DGKH: variants seen among roughly 807,000 people sequenced by gnomAD.
DGKH encodes the protein DAG kinase eta.
DGKH carries 90 observed loss-of-function variants against 159.3 expected under a neutral mutation model. The ratio of observed to expected loss-of-function variants is 0.57; its 90% CI spans 0.48 to 0.67. The LOEUF is 0.67. DGKH is among the 30% of genes least tolerant of loss of function. The probability of loss-of-function intolerance (pLI) is 0.00; values close to 1 mark genes in which losing one functional copy is unlikely to be tolerated. For missense variants in DGKH, 1,181 were observed against 1,506.1 expected (o/e 0.78, Z 3.57); for synonymous variants, 536 against 553.8 (o/e 0.97, Z 0.45).
chr13:42,172,464 A>C (rs548360566), intron 11 of DGKH, among the ~76,000 whole-genome samples: 93 of 152,284 alleles, frequency 6.1e-4, no homozygotes, highest in African/African-American at 2.1e-3. Flanking sequence ...AATATAATGT[A>C]TGTCTATTGG....
Position 42,095,156 on chromosome 13 carries a change from C to CTTTTTTT in DGKH, c.193-32289_193-32283dup, listed in dbSNP as rs776422302. 4.7e-4 allele frequency among the ~76,000 whole-genome samples: 36 copies of CTTTTTTT among 76,814 alleles called. 3 individuals are homozygous for CTTTTTTT. The highest frequency in any genetic ancestry group is 0.012 in the Middle Eastern group (1 of 82). The allele number at this position is 76,814 out of a possible 152,430, so 50.4% of individuals were successfully genotyped here. ...GCAGCCGCTCAATAAATGTTGACTC[C>CTTTTTTT]TTTTTTTTTTTTTTTTTTTTTTTTG... On this transcript the variant is annotated intron_variant, in intron 1 of 29. Coordinates refer to ENST00000337343, the MANE Select transcript of DGKH (RefSeq NM_178009.5).
intron 13 of DGKH, 50 bp from the exon 14 acceptor site, chr13:42,186,999 C>T: frequency 6.8e-7 from 1 of 1,471,004 alleles, no homozygotes; most frequent in Non-Finnish European, 9.5e-7. Flanking sequence ...TAAATCAAGG[C>T]AAATTAATTC....
intron 11 of DGKH, among the ~76,000 whole-genome samples, chr13:42,171,130 C>G (rs558487806): frequency 6.6e-6 from 1 of 152,234 alleles, no homozygotes; most frequent in Non-Finnish European, 1.5e-5. Context: ...AATTTTTTGT[C>G]TGCTAGCACT....
rs79875313 is a variant in DGKH at position 42,174,179 on chromosome 13, G to A, written c.1452+35G>A. Reference sequence around the variant, plus strand: ...AACCCTTTACCTATCATTTGAAATGGGGGTGGATATCTTGAGAAAAAAAAA... The same window carrying A: ...AACCCTTTACCTATCATTTGAAATGAGGGTGGATATCTTGAGAAAAAAAAA... On this transcript the variant is annotated intron_variant, in intron 12 of 29. Coordinates refer to ENST00000337343, the MANE Select transcript of DGKH (RefSeq NM_178009.5). The A allele has an allele frequency of 7.5e-3, 11,149 of 1,487,140 alleles. 57 individuals are homozygous for A. The highest frequency in any genetic ancestry group is 9.2e-3 in the Non-Finnish European group (9,866 of 1,076,034). 92.1% of individuals were successfully genotyped at this position (1,487,140 alleles called of 1,614,324 possible).
At chr13:42,152,517 T>C in intron 3 of DGKH, among the ~76,000 whole-genome samples, 1 of 149,626 alleles carries the variant, frequency 6.7e-6, no homozygotes, top group East Asian at 1.9e-4. Flanking sequence ...ATATATTATA[T>C]ATATATATAA....
In DGKH at chr13:42,078,909, CTTTTTTTTTTTTTT is replaced by C. The variant is rs55801562; in HGVS notation, c.192+29955_192+29968del. ...TCCTCTCTTAAAGAGGTATATTCTC[CTTTTTTTTTTTTTT>C]TTTTTTTTTTGAGATGGAGTCTGTC... On this transcript the variant is annotated intron_variant, in intron 1 of 29. Coordinates refer to ENST00000337343, the MANE Select transcript of DGKH (RefSeq NM_178009.5). 7.5e-5 allele frequency among the ~76,000 whole-genome samples: 7 copies of C among 93,576 alleles called. No individual in the cohort carries two copies. The South Asian group carries it at 1.9e-3, about 25-fold the overall frequency. The allele number at this position is 93,576 out of a possible 152,430, so 61.4% of individuals were successfully genotyped here. A position where few individuals can be genotyped will look rare whatever the true frequency, so the allele number is the denominator to read the frequency against.
chr13:42,065,804 C>G (rs1023881685), intron 1 of DGKH, among the ~76,000 whole-genome samples: 1 of 151,970 alleles, frequency 6.6e-6, no homozygotes. Context: ...TCATTGTAAC[C>G]CCATGTTTGT....
upstream of DGKH, among the ~76,000 whole-genome samples, chr13:42,045,273 A>G (rs1880737739): frequency 6.6e-6 from 1 of 152,214 alleles, no homozygotes. Context: ...GTGATTGGCC[A>G]TTGCACTCCA....
intron 29 of DGKH, among the ~76,000 whole-genome samples, chr13:42,250,868 A>G (rs1416170170): frequency 1.3e-5 from 2 of 152,196 alleles, no homozygotes; most frequent in Non-Finnish European, 2.9e-5. Flanking sequence ...GTAGCACTCT[A>G]ATTAGCTTAA....
rs190166530 is a variant in DGKH, at chr13:42,162,575, G to A, written c.855+2439G>A. 3.5e-3 allele frequency among the ~76,000 whole-genome samples: 529 copies of A among 152,070 alleles called. 2 individuals carry two copies. Among genetic ancestry groups the A allele is most frequent in the African/African-American group, 0.012 (500 of 41,480 alleles). Reference sequence around the variant, plus strand: ...TTCCAGCACTTTGGGAGGCCAAGGCGGGTGGATCATCTGAGGTCAGAAGTT... The same window carrying A: ...TTCCAGCACTTTGGGAGGCCAAGGCAGGTGGATCATCTGAGGTCAGAAGTT... On this transcript the variant is annotated intron_variant, in intron 7 of 29. Coordinates refer to ENST00000337343, the MANE Select transcript of DGKH (RefSeq NM_178009.5).
intron 30 of DGKH, chr13:42,256,056 G>A: frequency 3.6e-6 from 5 of 1,372,730 alleles, no homozygotes; most frequent in South Asian, 1.2e-5. Flanking sequence ...CCTTGGTCAG[G>A]TCTGGGAGAA....
chr13:42,251,313 T>C (rs911028933), intron 29 of DGKH, among the ~76,000 whole-genome samples: 2 of 152,088 alleles, frequency 1.3e-5, no homozygotes, highest in Admixed American at 1.3e-4. Context: ...CCGTCTGTAC[T>C]GAAAATACAA....
At position 42,229,111 on chromosome 13, in the gene DGKH, C is replaced by T; in HGVS notation, c.3586C>T (p.Pro1196Ser). 6.2e-7 allele frequency: 1 copy of T among 1,609,476 alleles called. No individual in the cohort carries two copies. The highest frequency in any genetic ancestry group is 8.5e-7 in the Non-Finnish European group (1 of 1,178,660). The change falls in exon 30 of 30, where the codon CCG becomes TCG. Residue 1196 changes from proline to serine, a missense_variant. By Grantham distance (74) the Pro-to-Ser change is moderately conservative (BLOSUM62 -1). Transcript: ENST00000337343. ...TCTTTTATTTTAGGATCTGGGGATA[C>T]CGAAAGTGGGTCATGTGAAGCGAAT... ...ERRDLKDLGIPKVGHVKRILQ... is the reference protein window; with the variant it reads ...ERRDLKDLGISKVGHVKRILQ...
intron 1 of DGKH, among the ~76,000 whole-genome samples, chr13:42,054,382 C>G (rs1881593088): frequency 6.6e-6 from 1 of 152,136 alleles, no homozygotes; most frequent in South Asian, 2.1e-4. Context: ...TGCTCTGAAA[C>G]TCAATATGAA....
chr13:42,217,424 A>G (rs1019247997), intron 26 of DGKH, among the ~76,000 whole-genome samples: 3 of 151,848 alleles, frequency 2.0e-5, no homozygotes, highest in East Asian at 3.9e-4. Flanking sequence ...TTTCTTTTCA[A>G]TAGAGACAGA....
intron 1 of DGKH, among the ~76,000 whole-genome samples, chr13:42,042,370 T>C (rs1272391318): frequency 6.6e-6 from 1 of 152,226 alleles, no homozygotes; most frequent in Non-Finnish European, 1.5e-5. Flanking sequence ...ACTTAACATT[T>C]AGAAAATTAG....
At chr13:42,219,834 A>G in intron 28 of DGKH, 40 bp downstream of exon 28, 1 of 1,569,722 alleles carries the variant, frequency 6.4e-7, no homozygotes, top group African/African-American at 1.4e-5. Flanking sequence ...AACATTATGA[A>G]AAAAGAGCTG....
chr13:42,125,302 G>A (rs1315907896), intron 1 of DGKH, among the ~76,000 whole-genome samples: 1 of 152,086 alleles, frequency 6.6e-6, no homozygotes, highest in Non-Finnish European at 1.5e-5. Flanking sequence ...AACACTCCCT[G>A]GACTTAATAG....
chr13:42,066,347 C>T (rs1694510413), intron 1 of DGKH: 1 of 152,128 alleles, frequency 6.6e-6, no homozygotes, highest in African/African-American at 2.4e-5. Flanking sequence ...CATTATTCAG[C>T]CTTGAACTGG....
Sources: allele counts gnomAD v4.1 joint callset (sites outside exome capture counted in the v4.1 genomes callset), GRCh38; gene constraint gnomAD v4.1.1; transcripts MANE v1.5; gene names NCBI Gene and HGNC (gene_info 2026-07-23, HGNC 2026-07-21).